The following TSHR variants were observed in gnomAD, a reference collection of about 807,000 sequenced individuals.
TSHR encodes thyrotropin receptor.
Under a neutral mutation model 64.1 loss-of-function variants are expected in TSHR, and 51 were observed. The observed-to-expected ratio is 0.80, with a 90% CI of 0.64 to 1.01. The LOEUF is 1.01. TSHR is among the 50% of genes least tolerant of loss of function. The probability of loss-of-function intolerance (pLI) is 0.00; values close to 1 mark genes in which losing one functional copy is unlikely to be tolerated. For synonymous variants in TSHR, 361 were observed against 361.9 expected (o/e 1.00, Z 0.03); for missense variants, 877 against 942.8 (o/e 0.93, Z 0.91).
chr14:81,085,308 T>C (rs1212707495), intron 3 of TSHR, among the ~76,000 whole-genome samples: 1 of 152,156 alleles, frequency 6.6e-6, no homozygotes, highest in African/African-American at 2.4e-5. Context: ...CTACTGGCAG[T>C]CTACGACCAC....
At chr14:81,109,988 G>A (rs7160420) in intron 8 of TSHR, among the ~76,000 whole-genome samples, 87,019 of 151,934 alleles carry the variant, frequency 0.57, 26,033 homozygotes, top group South Asian at 0.72. Context: ...GTACTACTTC[G>A]CCAAGTAATA....
intron 3 of TSHR, among the ~76,000 whole-genome samples, chr14:81,075,237 T>C (rs1335060134): frequency 6.6e-6 from 1 of 152,214 alleles, no homozygotes; most frequent in Non-Finnish European, 1.5e-5. Flanking sequence ...ATCACCTTGT[T>C]TGCATCCCTC....
At chr14:81,058,214 A>G (rs1042781016) in intron 1 of TSHR, among the ~76,000 whole-genome samples, 7 of 152,224 alleles carry the variant, frequency 4.6e-5, no homozygotes, top group Admixed American at 3.9e-4. Flanking sequence ...CATGGTTTAC[A>G]TGCATGTCAA....
At chr14:81,027,614 C>T (rs1353000568) in intron 1 of TSHR, among the ~76,000 whole-genome samples, 2 of 152,080 alleles carry the variant, frequency 1.3e-5, no homozygotes, top group Non-Finnish European at 2.9e-5. Context: ...ACACACCAGG[C>T]TTGTTTCTTC....
At chr14:81,108,797 G>C in intron 8 of TSHR, 1 of 1,567,424 alleles carries the variant, frequency 6.4e-7, no homozygotes, top group South Asian at 1.1e-5. Context: ...AGGCACTCTA[G>C]TCTTTGCAGA....
At chr14:81,027,070 A>C (rs1253220848) in intron 1 of TSHR, among the ~76,000 whole-genome samples, 1 of 151,890 alleles carries the variant, frequency 6.6e-6, no homozygotes, top group African/African-American at 2.4e-5. Flanking sequence ...CTTAATGGGA[A>C]CAGCAATGTT....
At chr14:81,080,653 T>C (rs1887836719) in intron 3 of TSHR, among the ~76,000 whole-genome samples, 1 of 152,164 alleles carries the variant, frequency 6.6e-6, no homozygotes, top group Non-Finnish European at 1.5e-5. Context: ...ATTTCTTTCC[T>C]CCAGTTACAT....
At chr14:81,045,251 G>T (rs1885120243) in intron 1 of TSHR, among the ~76,000 whole-genome samples, 1 of 152,080 alleles carries the variant, frequency 6.6e-6, no homozygotes, top group South Asian at 2.1e-4. Context: ...GAGTAATGTT[G>T]GCCTTGTACA....
chr14:80,970,306 G>A (rs942396049), intron 1 of TSHR, among the ~76,000 whole-genome samples: 1 of 152,106 alleles, frequency 6.6e-6, no homozygotes, highest in African/African-American at 2.4e-5. Flanking sequence ...AAAATCAATT[G>A]CTGCTGTGCT....
Position 81,008,362 on chromosome 14 carries a change from C to T in TSHR, c.170+52512C>T, listed in dbSNP as rs112579052. The stretch of plus-strand genomic sequence containing the variant: ...TAATTTTTTGTATTTTTAGTAGAGA[C>T]GGAGTTTCACCTTGTTAGCCAGGAT... On this transcript the variant is annotated intron_variant, in intron 1 of 9. Transcript: ENST00000298171. Among the ~76,000 whole-genome samples, 324 of 152,022 alleles carry T rather than the reference C, an allele frequency of 2.1e-3. 1 individual carries two copies. The highest frequency in any genetic ancestry group is 7.3e-3 in the African/African-American group (304 of 41,476).
chr14:80,982,231 G>C, intron 1 of TSHR: 2 of 626,136 alleles, frequency 3.2e-6, no homozygotes, highest in Admixed American at 5.1e-5. Flanking sequence ...TAAGGCTCTG[G>C]GCAAAGCCAC....
At chr14:81,127,961 G>A (rs1891083848) in intron 8 of TSHR, among the ~76,000 whole-genome samples, 1 of 152,166 alleles carries the variant, frequency 6.6e-6, no homozygotes, top group Non-Finnish European at 1.5e-5. Context: ...GTCACTGTGT[G>A]GTAGAATGCT....
At chr14:81,035,333 C>T (rs561295339) in intron 1 of TSHR, among the ~76,000 whole-genome samples, 1 of 152,326 alleles carries the variant, frequency 6.6e-6, no homozygotes, top group East Asian at 1.9e-4. Context: ...TGCCCATGCC[C>T]TGCTCAGCTG....
intron 1 of TSHR, among the ~76,000 whole-genome samples, chr14:81,044,321 C>T (rs767915925): frequency 7.2e-5 from 11 of 151,954 alleles, no homozygotes; most frequent in South Asian, 2.1e-4. Context: ...AACAATCATA[C>T]GAAAAAAAGG....
chr14:80,988,351 G>A (rs1412136944), intron 1 of TSHR, among the ~76,000 whole-genome samples: 10 of 152,182 alleles, frequency 6.6e-5, no homozygotes, highest in Non-Finnish European at 1.5e-4. Context: ...TATGGCAGAA[G>A]GTGAAGGGGA....
intron 3 of TSHR, among the ~76,000 whole-genome samples, chr14:81,084,761 C>T (rs1302190706): frequency 6.6e-6 from 1 of 152,222 alleles, no homozygotes; most frequent in East Asian, 1.9e-4. Context: ...CTCCTGCACA[C>T]TCAGGCCATA....
intron 1 of TSHR, among the ~76,000 whole-genome samples, chr14:81,059,819 A>T (rs1474848077): frequency 2.6e-5 from 4 of 152,148 alleles, no homozygotes; most frequent in African/African-American, 9.6e-5. Flanking sequence ...CATTTCAAAT[A>T]TTTTTGTCTT....
intron 1 of TSHR, among the ~76,000 whole-genome samples, chr14:81,029,926 A>T (rs1005723445): frequency 1.3e-5 from 2 of 152,198 alleles, no homozygotes; most frequent in South Asian, 4.1e-4. Context: ...TAATTACTTA[A>T]CACTGCACTT....
At chr14:81,126,704 A>G (rs1032606717) in intron 8 of TSHR, among the ~76,000 whole-genome samples, 7 of 152,222 alleles carry the variant, frequency 4.6e-5, no homozygotes, top group African/African-American at 1.4e-4. Context: ...CTCTTTAGCC[A>G]GGAGCTCGTA....
Sources: gnomAD v4.1 joint callset for allele counts (sites outside exome capture counted in the v4.1 genomes callset) on GRCh38, gnomAD v4.1.1 for gene constraint, MANE v1.5 for transcripts, NCBI Gene and HGNC (gene_info 2026-07-23, HGNC 2026-07-21) for gene names.